Variants in FASLG observed in about 807,000 individuals in gnomAD.
FASLG encodes Fas ligand, also known as tumor necrosis factor ligand superfamily member 6.
A neutral mutation model predicts 24.6 loss-of-function variants in FASLG; 9 were observed. The observed-to-expected ratio is 0.37, with a 90% CI of 0.22 to 0.64. The LOEUF (loss-of-function observed/expected upper bound fraction) is 0.64, where lower values mean the gene tolerates loss of function less well. FASLG is among the 30% of genes least tolerant of loss of function. The pLI is 0.64. For synonymous variants in FASLG, 130 were observed against 135.5 expected (o/e 0.96, Z 0.28); for missense variants, 306 against 345.3 (o/e 0.89, Z 0.90).
intron 2 of FASLG, among the ~76,000 whole-genome samples, chr1:172,663,065 G>A (rs372413666): frequency 6.6e-6 from 1 of 152,156 alleles, no homozygotes; most frequent in Non-Finnish European, 1.5e-5. Flanking sequence ...GGCTAATCAC[G>A]AACCTGACAT....
chr1:172,660,618 T>A (rs551327315), intron 2 of FASLG, among the ~76,000 whole-genome samples: 2 of 152,342 alleles, frequency 1.3e-5, no homozygotes, highest in East Asian at 3.9e-4. Flanking sequence ...TTTTATAGGA[T>A]GTAAGCTTTT....
chr1:172,663,894 C>T (rs1470429521), intron 2 of FASLG, among the ~76,000 whole-genome samples: 2 of 152,056 alleles, frequency 1.3e-5, no homozygotes, highest in Non-Finnish European at 2.9e-5. Flanking sequence ...CTGGAATTGG[C>T]GTCAGGAGAG....
At chr1:172,665,471 A>G (rs1322658436) in intron 3 of FASLG, 151 bp from the exon 4 acceptor site, 2 of 807,046 alleles carry the variant, frequency 2.5e-6, no homozygotes, top group African/African-American at 3.4e-5. Flanking sequence ...TCTGTGATGG[A>G]TCAAGTTCTG....
Position 172,659,347 on chromosome 1 carries a change from C to A in FASLG, c.146C>A (p.Pro49Gln). The change falls in exon 1 of 4, where the codon CCG (proline) becomes CAG (glutamine). Residue 49 changes from proline to glutamine, a missense_variant. Transcript: ENST00000367721. Reference sequence around the variant, plus strand: ...GGTCAAAGGAGGCCACCACCACCACCGCCACCGCCACCACTACCACCTCCG... The same window carrying A: ...GGTCAAAGGAGGCCACCACCACCACAGCCACCGCCACCACTACCACCTCCG... ...RPGQRRPPPP[P>Q]PPPPLPPPPP... 6.2e-7 allele frequency: 1 copy of A among 1,609,270 alleles called. No individual in the cohort carries two copies. Among genetic ancestry groups the A allele is most frequent in the Non-Finnish European group, 8.5e-7 (1 of 1,179,030 alleles).
At chr1:172,664,137 TA>T (rs963131090) in intron 2 of FASLG, among the ~76,000 whole-genome samples, 196 bp from the exon 3 acceptor site, 14 of 152,108 alleles carry the variant, frequency 9.2e-5, no homozygotes, top group Non-Finnish European at 1.6e-4. Context: ...TAATTTGGTT[TA>T]TTTTTTTACC....
Sources: allele counts gnomAD v4.1 joint callset (sites outside exome capture counted in the v4.1 genomes callset), GRCh38; gene constraint gnomAD v4.1.1; transcripts MANE v1.5; gene names NCBI Gene and HGNC (gene_info 2026-07-23, HGNC 2026-07-21).